WASHC2C: variants seen among roughly 807,000 people sequenced by gnomAD.
WASHC2C encodes Vaccinia Penetration Factor.
A neutral mutation model predicts 142.2 loss-of-function variants in WASHC2C; 73 were observed. The observed-to-expected ratio is 0.51, with a 90% CI of 0.43 to 0.62. The LOEUF (loss-of-function observed/expected upper bound fraction) is 0.62. WASHC2C is among the 20% of genes least tolerant of loss of function. The pLI, the probability that WASHC2C is intolerant of heterozygous loss-of-function variation, is 0.00. For missense variants in WASHC2C, 969 were observed against 1,531.7 expected (o/e 0.63, Z 6.13); for synonymous variants, 337 against 565.5 (o/e 0.60, Z 5.73).
intron 23 of WASHC2C, among the ~76,000 whole-genome samples, chr10:45,780,706 C>T (rs2057426279): frequency 6.6e-6 from 1 of 150,852 alleles, no homozygotes; most frequent in Non-Finnish European, 1.5e-5. Context: ...GTTCTGTAAG[C>T]TAGTAATGAA....
intron 17 of WASHC2C, among the ~76,000 whole-genome samples, chr10:45,762,799 A>G (rs1250520466): frequency 2.0e-5 from 3 of 152,244 alleles, no homozygotes; most frequent in African/African-American, 7.2e-5. Flanking sequence ...TCAGCTACTC[A>G]GGAGGCAGAG....
intron 3 of WASHC2C, among the ~76,000 whole-genome samples, chr10:45,733,707 A>G (rs1554863293): frequency 6.6e-6 from 1 of 152,118 alleles, no homozygotes; most frequent in East Asian, 1.9e-4. Context: ...GCTGATGGGT[A>G]ACCATGGTAG....
At chr10:45,787,299 A>T in intron 28 of WASHC2C, 52 bp downstream of exon 28, 1 of 798,174 alleles carries the variant, frequency 1.3e-6, no homozygotes. Flanking sequence ...CAGAACATGC[A>T]TATGCTTCTT....
chr10:45,730,862 G>A (rs1382386528), intron 3 of WASHC2C, among the ~76,000 whole-genome samples: 2 of 151,822 alleles, frequency 1.3e-5, no homozygotes, highest in African/African-American at 2.4e-5. Context: ...CTCGTGATCC[G>A]CCCACCTCGA....
chr10:45,728,504 C>T (rs1042950990), intron 2 of WASHC2C, among the ~76,000 whole-genome samples: 3 of 151,814 alleles, frequency 2.0e-5, no homozygotes, highest in Non-Finnish European at 2.9e-5. Context: ...TTTGGGAGGC[C>T]GAGGTGGGCG....
intron 21 of WASHC2C, among the ~76,000 whole-genome samples, chr10:45,774,043 G>T (rs1554885754): frequency 7.2e-6 from 1 of 139,216 alleles, no homozygotes; most frequent in African/African-American, 2.7e-5. Context: ...GAAAGGTATG[G>T]AATGGGGAAC....
chr10:45,734,079 G>T (rs1236706586), intron 3 of WASHC2C, among the ~76,000 whole-genome samples: 11 of 151,986 alleles, frequency 7.2e-5, no homozygotes, highest in Non-Finnish European at 1.5e-4. Context: ...AAAAAAATTA[G>T]CCAGGCGTGG....
rs1554890148 is a variant in WASHC2C, at chr10:45,786,598, G to A, written c.2812-14G>A. 2 of 1,611,042 alleles carry A rather than the reference G, an allele frequency of 1.2e-6. No homozygotes were observed. Among genetic ancestry groups the A allele is most frequent in the Non-Finnish European group, 1.7e-6 (2 of 1,179,178 alleles). On this transcript the variant is annotated splice_polypyrimidine_tract_variant and intron_variant, in intron 26 of 30. Transcript: ENST00000623400. ...TTCCCAAATGGATTTTTAACTGGATGTAATCTTACACAGGACTCATCAGGT... is the reference window on the plus strand; with the variant it reads ...TTCCCAAATGGATTTTTAACTGGATATAATCTTACACAGGACTCATCAGGT...
At chr10:45,743,985 G>C (rs1554869830) in intron 6 of WASHC2C, among the ~76,000 whole-genome samples, 2 of 151,546 alleles carry the variant, frequency 1.3e-5, no homozygotes, top group African/African-American at 4.9e-5. Context: ...CTGACCTCAT[G>C]ATCTGCCCGC....
chr10:45,783,756 T>C (rs2135665090), intron 23 of WASHC2C, among the ~76,000 whole-genome samples: 1 of 152,376 alleles, frequency 6.6e-6, no homozygotes, highest in South Asian at 2.1e-4. Flanking sequence ...CCACCATGCC[T>C]GGCCTTTTTG....
intron 17 of WASHC2C, among the ~76,000 whole-genome samples, chr10:45,759,689 C>T (rs1182049634): frequency 3.3e-5 from 5 of 151,932 alleles, no homozygotes; most frequent in Non-Finnish European, 4.4e-5. Flanking sequence ...TATGGTGGTG[C>T]GAGCCTGTAA....
chr10:45,758,445 G>A (rs1292081606), intron 16 of WASHC2C, among the ~76,000 whole-genome samples: 2 of 151,984 alleles, frequency 1.3e-5, no homozygotes, highest in African/African-American at 4.8e-5. Context: ...ATCTGTTAGC[G>A]GGCACAAACC....
intron 28 of WASHC2C, among the ~76,000 whole-genome samples, chr10:45,787,461 T>C (rs1361955985): frequency 1.3e-5 from 2 of 148,590 alleles, no homozygotes; most frequent in African/African-American, 2.5e-5. Context: ...ATTTGCATTC[T>C]GCTCAGTAGC....
At chr10:45,749,847 ATATATATATT>A (rs1554873263) in intron 8 of WASHC2C, among the ~76,000 whole-genome samples, 1 of 132,074 alleles carries the variant, frequency 7.6e-6, no homozygotes, top group African/African-American at 3.0e-5. Flanking sequence ...ATATATATAT[ATATATATATT>A]TATATATATA....
intron 19 of WASHC2C, among the ~76,000 whole-genome samples, chr10:45,768,074 A>G (rs1368257593): frequency 4.0e-4 from 59 of 146,246 alleles, no homozygotes; most frequent in Non-Finnish European, 2.1e-4. Context: ...AAAAAATACA[A>G]AAATTATCTG....
At chr10:45,758,556 A>T (rs1397136613) in intron 16 of WASHC2C, among the ~76,000 whole-genome samples, 34 of 149,950 alleles carry the variant, frequency 2.3e-4, no homozygotes, top group Non-Finnish European at 4.0e-4. Context: ...CTTTGGGATC[A>T]TGTATTCATT....
chr10:45,752,485 A>G, intron 11 of WASHC2C, 103 bp from the exon 12 acceptor site: 7 of 904,928 alleles, frequency 7.7e-6, no homozygotes, highest in East Asian at 2.6e-5. Context: ...AGTGTCAGAT[A>G]AACTCCATGC....
chr10:45,761,389 G>A (rs2055060050), intron 17 of WASHC2C, among the ~76,000 whole-genome samples: 1 of 152,180 alleles, frequency 6.6e-6, no homozygotes, highest in Non-Finnish European at 1.5e-5. Flanking sequence ...GGTCAAGATG[G>A]TCACAATGGC....
chr10:45,786,382 C>T, intron 26 of WASHC2C: 1 of 629,426 alleles, frequency 1.6e-6, no homozygotes, highest in Non-Finnish European at 2.8e-6. Flanking sequence ...TCTTGTATTC[C>T]TTGACTCCAT....
Sources: allele counts gnomAD v4.1 joint callset (sites outside exome capture counted in the v4.1 genomes callset), GRCh38; gene constraint gnomAD v4.1.1; transcripts MANE v1.5; gene names NCBI Gene and HGNC (gene_info 2026-07-23, HGNC 2026-07-21).